CNBD1: variants seen among roughly 807,000 people sequenced by gnomAD.
CNBD1 encodes the protein cyclic nucleotide binding domain containing 1.
Under a neutral mutation model 54.4 loss-of-function variants are expected in CNBD1, and 71 were observed. The observed-to-expected ratio is 1.30, with a 90% CI of 1.08 to 1.59. CNBD1 has a LOEUF of 1.59. Ranked by LOEUF, CNBD1 falls within the 40% of genes most tolerant of loss-of-function variation. The pLI, the probability that CNBD1 is intolerant of heterozygous loss-of-function variation, is 0.00. For synonymous variants in CNBD1, 182 were observed against 170.7 expected (o/e 1.07, Z -0.51); for missense variants, 659 against 518.0 (o/e 1.27, Z -2.64).
At chr8:86,915,956 G>T (rs767844724) in intron 3 of CNBD1, among the ~76,000 whole-genome samples, 1 of 152,174 alleles carries the variant, frequency 6.6e-6, no homozygotes, top group Non-Finnish European at 1.5e-5. Flanking sequence ...TGTAGGGAGA[G>T]AAATATATGT....
chr8:87,241,711 T>C (rs1408951848), intron 6 of CNBD1, among the ~76,000 whole-genome samples: 1 of 152,194 alleles, frequency 6.6e-6, no homozygotes, highest in Non-Finnish European at 1.5e-5. Flanking sequence ...GATTAAATTC[T>C]TAGTTTGTGC....
At chr8:87,035,835 T>C (rs1338832794) in intron 4 of CNBD1, among the ~76,000 whole-genome samples, 1 of 152,162 alleles carries the variant, frequency 6.6e-6, no homozygotes, top group Non-Finnish European at 1.5e-5. Context: ...CAGTAGAACA[T>C]GTCCTGTATT....
At chr8:87,060,696 A>T (rs1217125263) in intron 4 of CNBD1, among the ~76,000 whole-genome samples, 1 of 152,176 alleles carries the variant, frequency 6.6e-6, no homozygotes, top group African/African-American at 2.4e-5. Context: ...AAAAGCCTAC[A>T]TGAATATTTA....
At chr8:87,353,988 G>A (rs1810363826) in intron 10 of CNBD1, 3 of 386,456 alleles carry the variant, frequency 7.8e-6, no homozygotes, top group South Asian at 9.5e-5. Flanking sequence ...AGAGTGGGCT[G>A]GAAGGGAACT....
chr8:87,092,457 ATGTG>A (rs200068900), intron 4 of CNBD1, among the ~76,000 whole-genome samples: 9 of 130,194 alleles, frequency 6.9e-5, no homozygotes, highest in Admixed American at 2.9e-4. Context: ...ATATACACAT[ATGTG>A]TGTGTGTGTA....
At chr8:87,364,106 T>A (rs1810585785) in intron 10 of CNBD1, among the ~76,000 whole-genome samples, 1 of 151,938 alleles carries the variant, frequency 6.6e-6, no homozygotes, top group African/African-American at 2.4e-5. Context: ...GGTATTATAC[T>A]GTTTTGTTAA....
chr8:87,141,498 A>G (rs1038973726), intron 4 of CNBD1, among the ~76,000 whole-genome samples: 3 of 152,124 alleles, frequency 2.0e-5, no homozygotes, highest in South Asian at 4.1e-4. Context: ...TCTCCTAACT[A>G]TAGGCAATGT....
intron 5 of CNBD1, among the ~76,000 whole-genome samples, chr8:87,214,829 T>C (rs76856734): frequency 0.011 from 1,624 of 152,176 alleles, 29 homozygotes; most frequent in African/African-American, 0.037. Context: ...CTTACTGCCA[T>C]GAGAACAGTA....
At chr8:87,366,947 T>A (rs1396265169) in intron 10 of CNBD1, among the ~76,000 whole-genome samples, 2 of 152,060 alleles carry the variant, frequency 1.3e-5, no homozygotes, top group Non-Finnish European at 2.9e-5. Flanking sequence ...GTTTTGGATA[T>A]CCCTTAATAT....
chr8:87,213,796 A>C (rs1043509914), intron 5 of CNBD1, among the ~76,000 whole-genome samples: 2 of 152,178 alleles, frequency 1.3e-5, no homozygotes, highest in African/African-American at 2.4e-5. Flanking sequence ...ATTAACGCAA[A>C]AGTCCACAGT....
intron 4 of CNBD1, among the ~76,000 whole-genome samples, chr8:86,959,324 G>A (rs922725501): frequency 2.6e-5 from 4 of 152,128 alleles, no homozygotes; most frequent in Admixed American, 6.5e-5. Context: ...ACAATTATAT[G>A]TCTTGGAGTT....
At chr8:87,380,551 A>G (rs1226338888) in intron 10 of CNBD1, among the ~76,000 whole-genome samples, 3 of 151,970 alleles carry the variant, frequency 2.0e-5, no homozygotes, top group Non-Finnish European at 4.4e-5. Context: ...TATTTCTGAA[A>G]AAAAGCACCA....
chr8:87,382,762 A>G lies in CNBD1; in HGVS notation c.*135A>G. ...GACTACATATCCTGGATTCCCCAGGAAAGTCCCACTTTCGAATTGCCTTTC... is the reference window on the plus strand; with the variant it reads ...GACTACATATCCTGGATTCCCCAGGGAAGTCCCACTTTCGAATTGCCTTTC... On this transcript the variant is annotated 3_prime_UTR_variant, in exon 11 of 11. Transcript: ENST00000518476. The G allele has an allele frequency of 1.9e-6, 1 of 535,464 alleles. No individual in the cohort carries two copies. Among genetic ancestry groups the G allele is most frequent in the Non-Finnish European group, 3.2e-6 (1 of 316,392 alleles). The allele number at this position is 535,464 out of a possible 1,614,324, so 33.2% of individuals were successfully genotyped here. A position where few individuals can be genotyped will look rare whatever the true frequency, so the allele number is the denominator to read the frequency against.
intron 8 of CNBD1, among the ~76,000 whole-genome samples, chr8:87,342,836 A>C (rs899814353): frequency 2.6e-5 from 4 of 152,168 alleles, no homozygotes; most frequent in African/African-American, 4.8e-5. Flanking sequence ...ATGAGGGTCC[A>C]TGTCCCACTG....
At chr8:87,061,547 G>A (rs1810547872) in intron 4 of CNBD1, among the ~76,000 whole-genome samples, 1 of 152,034 alleles carries the variant, frequency 6.6e-6, no homozygotes, top group Admixed American at 6.6e-5. Flanking sequence ...TGTTTTAATG[G>A]CACTTCTTTC....
At chr8:87,207,643 C>CA (rs1336188367) in intron 5 of CNBD1, among the ~76,000 whole-genome samples, 1 of 152,040 alleles carries the variant, frequency 6.6e-6, no homozygotes, top group Non-Finnish European at 1.5e-5. Flanking sequence ...TATTCTCTCA[C>CA]AATGTGTTTA....
intron 6 of CNBD1, among the ~76,000 whole-genome samples, chr8:87,244,049 T>C (rs1358465243): frequency 2.0e-5 from 3 of 152,162 alleles, no homozygotes; most frequent in African/African-American, 7.2e-5. Context: ...TGCGCACCCA[T>C]GAACAGCCTC....
At chr8:87,260,061 C>T (rs1383715854) in intron 6 of CNBD1, among the ~76,000 whole-genome samples, 1 of 152,098 alleles carries the variant, frequency 6.6e-6, no homozygotes, top group South Asian at 2.1e-4. Flanking sequence ...AATCAAACCT[C>T]GACTGCCACT....
intron 4 of CNBD1, among the ~76,000 whole-genome samples, chr8:86,984,981 C>G (rs1370401627): frequency 2.6e-5 from 4 of 152,110 alleles, no homozygotes; most frequent in Non-Finnish European, 5.9e-5. Context: ...CATGGTTTGG[C>G]TGTGTCCCCA....
Sources: allele counts gnomAD v4.1 joint callset (sites outside exome capture counted in the v4.1 genomes callset), GRCh38; gene constraint gnomAD v4.1.1; transcripts MANE v1.5; gene names NCBI Gene and HGNC (gene_info 2026-07-23, HGNC 2026-07-21).